Variants in LMO2 observed in about 807,000 individuals in gnomAD.
The protein encoded by LMO2 is rhombotin-2.
In LMO2, 20 loss-of-function variants were observed where a neutral mutation model predicts 23.2. The ratio of observed to expected loss-of-function variants is 0.86; its 90% CI spans 0.61 to 1.25. The LOEUF (loss-of-function observed/expected upper bound fraction) is 1.25, where lower values mean the gene tolerates loss of function less well. Ranked by LOEUF, LMO2 falls within the 50% of genes most tolerant of loss-of-function variation. LMO2 has a pLI of 0.00. For synonymous variants in LMO2, 123 were observed against 130.2 expected, an observed-to-expected ratio of 0.94 and a Z score of 0.38; for missense variants, 270 against 315.3, an observed-to-expected ratio of 0.86 and a Z score of 1.09.
chr11:33,887,041 A>T (rs974657400), intron 1 of LMO2, among the ~76,000 whole-genome samples: 1 of 152,260 alleles, frequency 6.6e-6, no homozygotes, highest in Non-Finnish European at 1.5e-5. Context: ...ATAGGAATGA[A>T]GGATCAGAGG....
At chr11:33,862,611 TGAA>T (rs56363365) in intron 5 of LMO2, among the ~76,000 whole-genome samples, 1 of 151,924 alleles carries the variant, frequency 6.6e-6, no homozygotes, top group Admixed American at 6.5e-5. Context: ...ATCCTAGGGG[TGAA>T]GAACTCAAAC....
intron 1 of LMO2, among the ~76,000 whole-genome samples, chr11:33,887,920 C>T (rs1434699912): frequency 5.3e-5 from 8 of 151,678 alleles, no homozygotes; most frequent in African/African-American, 1.7e-4. Flanking sequence ...GACTCTTGAA[C>T]AGGGGAAGGA....
At chr11:33,872,989 C>T (rs749684602) in intron 2 of LMO2, among the ~76,000 whole-genome samples, 2 of 152,082 alleles carry the variant, frequency 1.3e-5, no homozygotes, top group Admixed American at 1.3e-4. Context: ...TCTGAAACTC[C>T]TGACCTCAGG....
intron 2 of LMO2, among the ~76,000 whole-genome samples, chr11:33,878,883 C>A (rs1007268514): frequency 6.6e-6 from 1 of 152,190 alleles, no homozygotes; most frequent in African/African-American, 2.4e-5. Context: ...CACTAGCTCC[C>A]AGGGTACTGA....
intron 1 of LMO2, among the ~76,000 whole-genome samples, chr11:33,891,393 A>ACG (rs1263589800): frequency 4.0e-5 from 6 of 149,798 alleles, no homozygotes; most frequent in African/African-American, 1.2e-4. Context: ...ACACACATGC[A>ACG]CACACACTCA....
chr11:33,889,439 T>C (rs1857491387), intron 1 of LMO2, among the ~76,000 whole-genome samples: 1 of 152,080 alleles, frequency 6.6e-6, no homozygotes, highest in Non-Finnish European at 1.5e-5. Flanking sequence ...AGTTCTGTTG[T>C]GCCAGACAAA....
chr11:33,890,408 A>G (rs971091988), intron 1 of LMO2, among the ~76,000 whole-genome samples: 2 of 152,024 alleles, frequency 1.3e-5, no homozygotes, highest in African/African-American at 2.4e-5. Flanking sequence ...CTGGAGTGCA[A>G]TAGTGCCATC....
intron 2 of LMO2, chr11:33,871,028 A>G (rs746564573): frequency 3.1e-6 from 3 of 978,846 alleles, no homozygotes; most frequent in Non-Finnish European, 3.6e-6. Context: ...TAAGGCTTGT[A>G]AAGAGGGAAC....
Position 33,859,105 on chromosome 11 carries a change from G to T in LMO2, c.*251C>A. 1 of 479,758 alleles carries T rather than the reference G, an allele frequency of 2.1e-6. No individual in the cohort carries two copies. The highest frequency in any genetic ancestry group is 3.4e-5 in the East Asian group (1 of 29,226). The allele number at this position is 479,758 out of a possible 1,614,324, so 29.7% of individuals were successfully genotyped here. A position where few individuals can be genotyped will look rare whatever the true frequency, so the allele number is the denominator to read the frequency against. The stretch of plus-strand genomic sequence containing the variant: ...AATGTTCCTTTCTTCTGCTAATCAT[G>T]TCAGTTACTATGGATGGGCTGTGGC... On this transcript the variant is annotated 3_prime_UTR_variant, in exon 6 of 6. Transcript: ENST00000257818.
intron 4 of LMO2, among the ~76,000 whole-genome samples, chr11:33,868,550 C>T (rs1371663876): frequency 2.6e-5 from 4 of 152,302 alleles, no homozygotes; most frequent in South Asian, 4.1e-4. Flanking sequence ...GATAGAAAAA[C>T]ATTCCAAACC....
intron 2 of LMO2, among the ~76,000 whole-genome samples, chr11:33,875,602 G>C (rs1857120430): frequency 7.7e-6 from 1 of 129,884 alleles, no homozygotes; most frequent in South Asian, 2.6e-4. Flanking sequence ...AAAAAAGTTT[G>C]AGCACCCATT....
intron 2 of LMO2, among the ~76,000 whole-genome samples, chr11:33,871,869 G>A (rs903153313): frequency 1.3e-5 from 2 of 152,104 alleles, no homozygotes; most frequent in African/African-American, 4.8e-5. Context: ...TATTTAATCT[G>A]AGGAGGCAGT....
intron 2 of LMO2, among the ~76,000 whole-genome samples, chr11:33,878,137 T>C (rs1386403789): frequency 7.0e-6 from 1 of 143,456 alleles, no homozygotes; most frequent in Non-Finnish European, 1.5e-5. Context: ...TGTGTGATTC[T>C]GTCATTCTAG....
chr11:33,860,255 T>C (rs2133683399), intron 5 of LMO2, among the ~76,000 whole-genome samples: 1 of 152,332 alleles, frequency 6.6e-6, no homozygotes, highest in Non-Finnish European at 1.5e-5. Context: ...TCTTAATTCA[T>C]GGCCCTCGCT....
chr11:33,870,378 C>T (rs1590641666), intron 2 of LMO2: 1 of 985,534 alleles, frequency 1.0e-6, no homozygotes, highest in South Asian at 4.7e-5. Context: ...ATTTTCCGCC[C>T]GTCCCAGGTT....
rs1294307248 is a variant in LMO2 at position 33,869,761 on chromosome 11, C to T, written c.-45G>A. 20 of 1,199,334 alleles carry T rather than the reference C, an allele frequency of 1.7e-5. No individual in the cohort carries two copies. The highest frequency in any genetic ancestry group is 3.1e-5 in the South Asian group (1 of 32,122). The allele number at this position is 1,199,334 out of a possible 1,614,324, so 74.3% of individuals were successfully genotyped here. ...CCGCCCGGTCCCTCTCGCGCGCTGT[C>T]GCCGGCTCCGCGCCGCCCGCGGGGA... is the stretch of plus-strand genomic sequence containing the variant. On this transcript the variant is annotated 5_prime_UTR_variant, in exon 3 of 6. Coordinates refer to ENST00000257818, the MANE Select transcript of LMO2 (RefSeq NM_005574.4).
At chr11:33,875,322 A>G (rs1223176735) in intron 2 of LMO2, among the ~76,000 whole-genome samples, 1 of 152,198 alleles carries the variant, frequency 6.6e-6, no homozygotes, top group African/African-American at 2.4e-5. Flanking sequence ...TCACGCCTAT[A>G]ATCCTGACAC....
chr11:33,887,155 CA>C (rs1274721992), intron 1 of LMO2, among the ~76,000 whole-genome samples: 23 of 152,284 alleles, frequency 1.5e-4, no homozygotes, highest in Middle Eastern at 3.4e-3. Flanking sequence ...CCCATAGGGG[CA>C]AGTATCAAGG....
In LMO2 at chr11:33,859,593, A is replaced by T; in HGVS notation, c.465-18T>A. The T allele has an allele frequency of 1.2e-6, 2 of 1,611,452 alleles. No individual in the cohort carries two copies. Among genetic ancestry groups the T allele is most frequent in the Non-Finnish European group, 1.7e-6 (2 of 1,178,166 alleles). On this transcript the variant is annotated intron_variant, in intron 5 of 5. Transcript: ENST00000257818. ...CAAAAAGCCTGGGGCAAAAGAAAGAAAAGCTAAGAAGACAGTGAAAGGGAC... is the reference window on the plus strand; with the variant it reads ...CAAAAAGCCTGGGGCAAAAGAAAGATAAGCTAAGAAGACAGTGAAAGGGAC...
Sources: allele counts gnomAD v4.1 joint callset (sites outside exome capture counted in the v4.1 genomes callset), GRCh38; gene constraint gnomAD v4.1.1; transcripts MANE v1.5; gene names NCBI Gene and HGNC (gene_info 2026-07-23, HGNC 2026-07-21).